TSPAN9: variants seen among roughly 807,000 people sequenced by gnomAD.
The protein encoded by TSPAN9 is tetraspanin-9.
In TSPAN9, 16 loss-of-function variants were observed where a neutral mutation model predicts 31.0. That is an observed-to-expected ratio of 0.52 (90% CI 0.35 to 0.78). The LOEUF (loss-of-function observed/expected upper bound fraction) is 0.78. Among genes scored for constraint, TSPAN9 ranks in the 30% least tolerant of loss-of-function variants. The pLI is 0.01. For missense variants in TSPAN9, 272 were observed against 312.5 expected (o/e 0.87, Z 0.98); for synonymous variants, 145 against 121.6 (o/e 1.19, Z -1.27).
chr12:3,092,711 T>C (rs2098305467), intron 2 of TSPAN9, among the ~76,000 whole-genome samples: 1 of 152,212 alleles, frequency 6.6e-6, no homozygotes, highest in African/African-American at 2.4e-5. Flanking sequence ...CTTATCCAAA[T>C]GGGTCTCAGT....
At chr12:3,206,169 T>C in intron 3 of TSPAN9, 1 of 394,658 alleles carries the variant, frequency 2.5e-6, no homozygotes, top group South Asian at 1.8e-5. Context: ...CTGAACTTGG[T>C]GGCAGACTCT....
chr12:3,253,103 G>A (rs1178362993), intron 3 of TSPAN9, among the ~76,000 whole-genome samples: 1 of 152,126 alleles, frequency 6.6e-6, no homozygotes, highest in Non-Finnish European at 1.5e-5. Flanking sequence ...AAGTGCTCCT[G>A]TGTCCTCGGG....
At chr12:3,244,527 G>T (rs1308024605) in intron 3 of TSPAN9, among the ~76,000 whole-genome samples, 1 of 152,186 alleles carries the variant, frequency 6.6e-6, no homozygotes, top group African/African-American at 2.4e-5. Flanking sequence ...ACGTGGGCTG[G>T]GGCCTCTGAA....
At chr12:3,105,112 C>A (rs57209305) in intron 2 of TSPAN9, among the ~76,000 whole-genome samples, 1 of 152,166 alleles carries the variant, frequency 6.6e-6, no homozygotes, top group African/African-American at 2.4e-5. Flanking sequence ...GCCCCGTCTG[C>A]GCACAGCAGC....
chr12:3,099,267 C>T (rs541968257), intron 2 of TSPAN9, among the ~76,000 whole-genome samples: 2 of 152,238 alleles, frequency 1.3e-5, no homozygotes, highest in South Asian at 4.1e-4. Context: ...ATTGCTATGT[C>T]TTCAAGCGCA....
At chr12:3,136,077 T>C (rs913223734) in intron 2 of TSPAN9, among the ~76,000 whole-genome samples, 8 of 152,266 alleles carry the variant, frequency 5.3e-5, no homozygotes, top group Admixed American at 4.6e-4. Flanking sequence ...ACTGTGGTGG[T>C]GGGACACAGT....
chr12:3,151,057 T>A (rs150324048), intron 2 of TSPAN9: 3 of 152,306 alleles, frequency 2.0e-5, no homozygotes, highest in African/African-American at 7.2e-5. Flanking sequence ...TTCCTGGAGA[T>A]CAGGTCCCTG....
At chr12:3,137,798 C>A (rs146026735) in intron 2 of TSPAN9, among the ~76,000 whole-genome samples, 68 of 152,202 alleles carry the variant, frequency 4.5e-4, no homozygotes, top group African/African-American at 1.6e-3. Context: ...AGGGCTTTTT[C>A]TTTTTTTCTA....
At chr12:3,091,394 CTGTTCCCTTCCTG>C (rs2098304509) in intron 2 of TSPAN9, among the ~76,000 whole-genome samples, 1 of 152,192 alleles carries the variant, frequency 6.6e-6, no homozygotes, top group Admixed American at 6.5e-5. Context: ...GCCTTAGTGG[CTGTTCCCTTCCTG>C]TGAAATGTCA....
chr12:3,184,653 C>T (rs1444611466), intron 2 of TSPAN9, among the ~76,000 whole-genome samples: 1 of 152,114 alleles, frequency 6.6e-6, no homozygotes, highest in African/African-American at 2.4e-5. Flanking sequence ...TTCAGCTGAG[C>T]GATTAGAGCC....
chr12:3,206,035 A>C (rs2098374969), intron 3 of TSPAN9, among the ~76,000 whole-genome samples: 1 of 152,164 alleles, frequency 6.6e-6, no homozygotes, highest in South Asian at 2.1e-4. Flanking sequence ...GTCCCAGTTG[A>C]AAAAGGGTAA....
intron 3 of TSPAN9, among the ~76,000 whole-genome samples, chr12:3,227,073 C>T (rs530260764): frequency 2.6e-5 from 4 of 151,840 alleles, no homozygotes; most frequent in Non-Finnish European, 5.9e-5. Flanking sequence ...ACTGAATCCT[C>T]GTCCCTGGGC....
chr12:3,222,101 A>G (rs1216065330), intron 3 of TSPAN9, among the ~76,000 whole-genome samples: 1 of 152,246 alleles, frequency 6.6e-6, no homozygotes, highest in Admixed American at 6.5e-5. Flanking sequence ...AGACCCACAC[A>G]GGGTTCTCTA....
chr12:3,269,276 C>T (rs1591716627), intron 3 of TSPAN9, among the ~76,000 whole-genome samples: 1 of 33,730 alleles, frequency 3.0e-5, no homozygotes. Flanking sequence ...CCCTGTGTTC[C>T]TGCAGCCTGC....
chr12:3,206,009 G>A (rs544705443), intron 3 of TSPAN9, among the ~76,000 whole-genome samples: 2 of 152,270 alleles, frequency 1.3e-5, no homozygotes, highest in South Asian at 4.1e-4. Context: ...GGGAGGAGGC[G>A]GGTAGAGAAG....
chr12:3,201,297 T>G, intron 3 of TSPAN9, 41 bp downstream of exon 3: 1 of 1,584,356 alleles, frequency 6.3e-7, no homozygotes, highest in Non-Finnish European at 8.7e-7. Context: ...CCTCTTCTCC[T>G]CCTCTTGGCT....
chr12:3,221,375 T>C (rs955648779), intron 3 of TSPAN9, among the ~76,000 whole-genome samples: 55 of 150,950 alleles, frequency 3.6e-4, no homozygotes, highest in Non-Finnish European at 7.0e-4. Flanking sequence ...TTTTTTTTTT[T>C]TAGATGAAGT....
chr12:3,152,771 A>G (rs1268275502), intron 2 of TSPAN9, among the ~76,000 whole-genome samples: 4 of 152,188 alleles, frequency 2.6e-5, no homozygotes, highest in Non-Finnish European at 5.9e-5. Flanking sequence ...ATTTTTAAAT[A>G]GAGATGGGGT....
chr12:3,113,059 A>C (rs557242861), intron 2 of TSPAN9, among the ~76,000 whole-genome samples: 1 of 152,318 alleles, frequency 6.6e-6, no homozygotes, highest in African/African-American at 2.4e-5. Context: ...CTATTCGATG[A>C]ATATTTATTG....
Sources: gnomAD v4.1 joint callset for allele counts (sites outside exome capture counted in the v4.1 genomes callset) on GRCh38, gnomAD v4.1.1 for gene constraint, MANE v1.5 for transcripts, NCBI Gene and HGNC (gene_info 2026-07-23, HGNC 2026-07-21) for gene names.